Variants in UNC13C observed in about 807,000 individuals in gnomAD.
The protein encoded by UNC13C is unc-13 homolog C.
In UNC13C, 174 loss-of-function variants were observed where a neutral mutation model predicts 245.4. That is an observed-to-expected ratio of 0.71 (90% CI 0.63 to 0.80). The LOEUF is 0.80. Ranked by LOEUF, UNC13C falls within the 30% of genes least tolerant of loss-of-function variation. The pLI, the probability that UNC13C is intolerant of heterozygous loss-of-function variation, is 0.00. For missense variants in UNC13C, 2,829 were observed against 2,602.9 expected (o/e 1.09, Z -1.89); for synonymous variants, 992 against 895.1 (o/e 1.11, Z -1.93).
At chr15:54,629,424 A>G (rs1360535467), downstream of UNC13C, 1 of 152,178 alleles carries the variant, frequency 6.6e-6, no homozygotes, top group Non-Finnish European at 1.5e-5. Flanking sequence ...GAACCCCTGA[A>G]TCTAAAATAA....
chr15:54,394,114 C>T lies in UNC13C; in HGVS notation c.4847+933C>T, dbSNP rs144248540. 3.3e-5 allele frequency among the ~76,000 whole-genome samples: 5 copies of T among 151,964 alleles called. No homozygotes were observed. In the East Asian group the frequency reaches 9.7e-4, roughly 29 times the overall value. On this transcript the variant is annotated intron_variant, in intron 18 of 32. Transcript: ENST00000260323. ...CTGTATTCTTATCCTCTATACTGGT[C>T]AAGACCGTTAGGGTCATTGTTTATG...
chr15:53,947,273 T>A, the UNC13C span, among the ~76,000 whole-genome samples: 2 of 152,214 alleles, frequency 1.3e-5, no homozygotes, highest in Non-Finnish European at 2.9e-5. Context: ...TAAGCACCAT[T>A]AAGTTACAGG....
chr15:54,111,902 A>G (rs1900795914), intron 2 of UNC13C, among the ~76,000 whole-genome samples: 1 of 152,170 alleles, frequency 6.6e-6, no homozygotes, highest in Admixed American at 6.5e-5. Context: ...TCTTTGATAT[A>G]TAGAAATGGT....
At chr15:54,281,430 A>T (rs376872323) in intron 10 of UNC13C, among the ~76,000 whole-genome samples, 1 of 152,236 alleles carries the variant, frequency 6.6e-6, no homozygotes, top group East Asian at 1.9e-4. Context: ...AACCAAAGAT[A>T]TACTTAAAGC....
rs1458942263 is a variant in UNC13C, at chr15:54,265,487, A to G, written c.3809A>G (p.Lys1270Arg). 6.5e-7 allele frequency: 1 copy of G among 1,542,072 alleles called. No individual in the cohort carries two copies. Among genetic ancestry groups the G allele is most frequent in the Admixed American group, 2.0e-5 (1 of 49,968 alleles). Residue 1270 changes from lysine to arginine, a missense_variant, in exon 10 of 33, where the codon AAG (lysine) becomes AGG (arginine). Transcript: ENST00000260323. ...AATTTGAATCCAGTATGGGATGAGAAGTTTTATTTGTGAGTATATAATGTG... is the reference window on the plus strand; with the variant it reads ...AATTTGAATCCAGTATGGGATGAGAGGTTTTATTTGTGAGTATATAATGTG... ...FGNLNPVWDE[K>R]FYFECHNSTD...
intron 2 of UNC13C, among the ~76,000 whole-genome samples, chr15:54,139,693 A>G (rs1424309829): frequency 6.6e-6 from 1 of 152,186 alleles, no homozygotes; most frequent in Non-Finnish European, 1.5e-5. Flanking sequence ...TTAGTAAAAT[A>G]GATAATTTGT....
chr15:53,884,213 G>T, the UNC13C span, among the ~76,000 whole-genome samples: 1 of 152,206 alleles, frequency 6.6e-6, no homozygotes, highest in African/African-American at 2.4e-5. Context: ...GGAGCAGGAA[G>T]ACGAAGGGAC....
intron 26 of UNC13C, among the ~76,000 whole-genome samples, chr15:54,538,561 A>G (rs562933285): frequency 6.6e-6 from 1 of 152,242 alleles, no homozygotes; most frequent in Admixed American, 6.6e-5. Flanking sequence ...TCATTGCAGC[A>G]CTGTTCACAA....
intron 22 of UNC13C, among the ~76,000 whole-genome samples, chr15:54,502,678 C>G (rs1894280346): frequency 6.6e-6 from 1 of 152,032 alleles, no homozygotes; most frequent in Admixed American, 6.6e-5. Context: ...TCTTGGAATT[C>G]TGTAGGATGT....
chr15:54,289,074 A>G (rs16974443), intron 10 of UNC13C, among the ~76,000 whole-genome samples: 22,919 of 151,964 alleles, frequency 0.15, 1,930 homozygotes, highest in African/African-American at 0.21. Flanking sequence ...CTGCTTGTAC[A>G]GGTACCTTTT....
chr15:54,051,653 TTTATTTATTTA>T (rs1464170220), intron 2 of UNC13C, among the ~76,000 whole-genome samples: 10 of 151,734 alleles, frequency 6.6e-5, no homozygotes, highest in African/African-American at 1.5e-4. Flanking sequence ...TATTTATTTA[TTTATTTATTTA>T]TTTTAATCAG....
intron 2 of UNC13C, among the ~76,000 whole-genome samples, chr15:54,113,557 T>G (rs535372767): frequency 3.1e-4 from 47 of 152,282 alleles, no homozygotes; most frequent in South Asian, 2.3e-3. Flanking sequence ...TGTTAAAACA[T>G]TATAAGATGC....
chr15:54,088,641 C>T (rs995977032), intron 2 of UNC13C, among the ~76,000 whole-genome samples: 1 of 152,296 alleles, frequency 6.6e-6, no homozygotes, highest in South Asian at 2.1e-4. Flanking sequence ...TTTCTCTACA[C>T]TGTTCCCCTG....
intron 12 of UNC13C, 129 bp from the exon 13 acceptor site, chr15:54,300,081 A>G (rs765509537): frequency 2.5e-6 from 2 of 795,482 alleles, no homozygotes; most frequent in East Asian, 2.7e-5. Context: ...AGATATTCCT[A>G]TTGCTTGCAG....
intron 2 of UNC13C, among the ~76,000 whole-genome samples, chr15:54,020,352 G>T (rs1317402915): frequency 6.9e-6 from 1 of 145,514 alleles, no homozygotes; most frequent in Non-Finnish European, 1.5e-5. Context: ...TCAGCTCACT[G>T]CAACCTCCTC....
At chr15:54,273,232 C>G (rs1352116635) in intron 10 of UNC13C, among the ~76,000 whole-genome samples, 1 of 152,120 alleles carries the variant, frequency 6.6e-6, no homozygotes, top group East Asian at 1.9e-4. Context: ...AACAAATTGT[C>G]CCAAGGGCAG....
intron 19 of UNC13C, among the ~76,000 whole-genome samples, chr15:54,437,791 G>A (rs1274633966): frequency 6.6e-6 from 1 of 151,804 alleles, no homozygotes; most frequent in African/African-American, 2.4e-5. Context: ...TATCCAGTAT[G>A]GTTTCTCCTA....
chr15:54,431,597 C>A (rs2040874699), intron 19 of UNC13C, among the ~76,000 whole-genome samples: 1 of 151,674 alleles, frequency 6.6e-6, no homozygotes, highest in Admixed American at 6.6e-5. Flanking sequence ...ATATGCGCTG[C>A]AGTCTATGTA....
At chr15:54,259,200 T>C (rs1289510144) in intron 8 of UNC13C, among the ~76,000 whole-genome samples, 2 of 152,254 alleles carry the variant, frequency 1.3e-5, no homozygotes, top group Non-Finnish European at 2.9e-5. Flanking sequence ...TTTCAATATA[T>C]GACTTTCAAT....
Sources: gnomAD v4.1 joint callset for allele counts (sites outside exome capture counted in the v4.1 genomes callset) on GRCh38, gnomAD v4.1.1 for gene constraint, MANE v1.5 for transcripts, NCBI Gene and HGNC (gene_info 2026-07-23, HGNC 2026-07-21) for gene names.